PLBD2: variants seen among roughly 807,000 people sequenced by gnomAD.
PLBD2 encodes phospholipase B domain containing 2, also known as putative aminopeptidase PLBD2.
In PLBD2, 51 loss-of-function variants were observed where a neutral mutation model predicts 68.3. That is an observed-to-expected ratio of 0.75 (90% confidence interval 0.60 to 0.94). PLBD2 has a LOEUF of 0.94. PLBD2 is among the 40% of genes least tolerant of loss of function. The pLI is 0.00. For missense variants in PLBD2, 729 were observed against 792.2 expected (o/e 0.92, Z 0.96); for synonymous variants, 314 against 339.3 (o/e 0.93, Z 0.82).
At chr12:113,380,658 C>T in intron 5 of PLBD2, 87 bp from the exon 6 acceptor site, 3 of 1,078,326 alleles carry the variant, frequency 2.8e-6, no homozygotes, top group South Asian at 2.7e-5. Flanking sequence ...TGCCTGTGCC[C>T]CTGTGCCTGT....
chr12:113,358,869 C>A lies in PLBD2; in HGVS notation c.269C>A (p.Thr90Asn). ...HPDAVAWANL[T>N]NAIRETGWAF... ...GACGCCGTGGCCTGGGCCAACCTCA[C>A]CAACGCCATCCGCGAGACTGGGTAA... is the stretch of plus-strand genomic sequence containing the variant. Residue 90 changes from threonine to asparagine, a missense_variant, in exon 1 of 12, where the codon ACC becomes AAC. By Grantham distance (65) the Thr-to-Asn change is moderately conservative (BLOSUM62 0). Coordinates refer to ENST00000280800, the MANE Select transcript of PLBD2 (RefSeq NM_173542.4). 1 of 1,526,334 alleles carries A rather than the reference C, an allele frequency of 6.6e-7. No homozygotes were observed. Among genetic ancestry groups the A allele is most frequent in the Non-Finnish European group, 8.8e-7 (1 of 1,139,310 alleles). The allele number at this position is 1,526,334 out of a possible 1,614,324, so 94.5% of individuals were successfully genotyped here. A position where few individuals can be genotyped will look rare whatever the true frequency, so the allele number is the denominator to read the frequency against.
At chr12:113,362,500 T>C (rs1380360453) in intron 1 of PLBD2, among the ~76,000 whole-genome samples, 1 of 151,718 alleles carries the variant, frequency 6.6e-6, no homozygotes, top group Non-Finnish European at 1.5e-5. Flanking sequence ...CAATGTGGCC[T>C]CTTTCAAGAG....
intron 1 of PLBD2, among the ~76,000 whole-genome samples, chr12:113,367,759 A>AAAAAAAG (rs71086160): frequency 0.059 from 8,718 of 147,914 alleles, 312 homozygotes; most frequent in Middle Eastern, 0.11. Context: ...AAAAAAAAAA[A>AAAAAAAG]AAAAAAGAAA....
intron 11 of PLBD2, 123 bp from the exon 12 acceptor site, chr12:113,388,336 C>CA (rs113090477): frequency 0.14 from 104,202 of 764,476 alleles, 303 homozygotes; most frequent in African/African-American, 0.15. Flanking sequence ...AGCAGAGACT[C>CA]AAAAAAAAAA....
At position 113,372,981 on chromosome 12, in the gene PLBD2, C is replaced by A. The variant is rs897805717; in HGVS notation, c.543+174C>A. ...ACTCATCCATCTGCCCAGTCTCCAT[C>A]TGTCCACTTGCTGGAACTCCAGCCA... On this transcript the variant is annotated intron_variant, in intron 3 of 11. Coordinates refer to ENST00000280800, the MANE Select transcript of PLBD2 (RefSeq NM_173542.4). The surrounding 1 kb of genome is among the most constrained non-coding windows in gnomAD (Gnocchi z 4.2). Among the ~76,000 whole-genome samples the A allele has an allele frequency of 6.6e-6, 1 of 152,256 alleles. No individual in the cohort carries two copies. Among genetic ancestry groups the A allele is most frequent in the African/African-American group, 2.4e-5 (1 of 41,464 alleles).
In PLBD2 at chr12:113,386,902, T is replaced by TG. The variant is rs1445138324; in HGVS notation, c.1287-30dup. On this transcript the variant is annotated intron_variant, in intron 9 of 11. Transcript: ENST00000280800. ...CACAGCCTTGGCTGAGTGAGGCCAG[T>TG]GGGGGTCATGGGTGACCATCCTTGT... The TG allele has an allele frequency of 2.5e-6, 4 of 1,605,430 alleles. No individual in the cohort carries two copies. In the Admixed American group the frequency reaches 6.9e-5, roughly 28 times the overall value.
Position 113,372,870 on chromosome 12 carries a change from G to A in PLBD2, c.543+63G>A. On this transcript the variant is annotated intron_variant, in intron 3 of 11. Coordinates refer to ENST00000280800, the MANE Select transcript of PLBD2 (RefSeq NM_173542.4). The surrounding 1 kb of genome is among the most constrained non-coding windows in gnomAD (Gnocchi z 4.2). ...CAGCTGGCCAGCCATCCTGTCTCCT[G>A]TTGTTCTGGCCAGCCTTGTGGCATG... The A allele has an allele frequency of 3.2e-6, 5 of 1,573,146 alleles. No individual in the cohort carries two copies. Among genetic ancestry groups the A allele is most frequent in the Admixed American group, 1.7e-5 (1 of 58,612 alleles).
chr12:113,385,375 A>G, intron 9 of PLBD2, 92 bp downstream of exon 9: 1 of 1,257,614 alleles, frequency 8.0e-7, no homozygotes, highest in Non-Finnish European at 1.1e-6. Context: ...TTTTAAACCC[A>G]CAGAACAAAG....
At chr12:113,375,548 C>A (rs901092705) in intron 5 of PLBD2, among the ~76,000 whole-genome samples, 3 of 152,220 alleles carry the variant, frequency 2.0e-5, no homozygotes, top group Admixed American at 2.0e-4. Flanking sequence ...GCTTAAATAA[C>A]CGCTATTTAT....
Position 113,387,921 on chromosome 12 carries a change from C to T in PLBD2, c.1602+15C>T, listed in dbSNP as rs747274197. 6.8e-6 allele frequency: 11 copies of T among 1,613,504 alleles called. No individual in the cohort carries two copies. The South Asian group carries it at 1.2e-4, about 18-fold the overall frequency. ...TCGATGTGAAGGTGCTGCCTCCTCC[C>T]TAGGGCCTGAGCTGTGGGTGGGGGA... On this transcript the variant is annotated intron_variant, in intron 11 of 11. Transcript: ENST00000280800.
At chr12:113,367,901 G>GT (rs931910276) in intron 1 of PLBD2, among the ~76,000 whole-genome samples, 12 of 151,896 alleles carry the variant, frequency 7.9e-5, no homozygotes, top group Admixed American at 5.3e-4. Context: ...GGCCAACATG[G>GT]TAAAACCCTG....
At chr12:113,368,046 C>G (rs1035863804) in intron 1 of PLBD2, among the ~76,000 whole-genome samples, 1 of 151,934 alleles carries the variant, frequency 6.6e-6, no homozygotes, top group Non-Finnish European at 1.5e-5. Flanking sequence ...CATGCCAGTA[C>G]CCCCCAGCCT....
In PLBD2 at chr12:113,386,957, A is replaced by G. The variant is rs922155849; in HGVS notation, c.1307A>G (p.Asn436Ser). 1 of 1,613,180 alleles carries G rather than the reference A, an allele frequency of 6.2e-7. No homozygotes were observed. Among genetic ancestry groups the G allele is most frequent in the African/African-American group, 1.3e-5 (1 of 75,014 alleles). The change falls in exon 10 of 12, where the codon AAT becomes AGT. Residue 436 changes from asparagine to serine, a missense_variant. Coordinates refer to ENST00000280800, the MANE Select transcript of PLBD2 (RefSeq NM_173542.4). ...GGCAGGTCCTTCGAGACTGTGTTCA[A>G]TGCCAGTGGGCTGCAGGCCCTAGTG... ...YNIPSFETVF[N>S]ASGLQALVAQ...
intron 1 of PLBD2, among the ~76,000 whole-genome samples, chr12:113,360,766 G>A (rs948330100): frequency 2.0e-5 from 3 of 152,132 alleles, no homozygotes; most frequent in Non-Finnish European, 2.9e-5. Context: ...AGCGATTCTC[G>A]TGTCTCAGCC....
At chr12:113,379,074 C>T (rs879806869) in intron 5 of PLBD2, among the ~76,000 whole-genome samples, 3 of 151,816 alleles carry the variant, frequency 2.0e-5, no homozygotes, top group African/African-American at 4.8e-5. Flanking sequence ...TTTGGGAGGC[C>T]GAGGCTGGTG....
rs1229960397 is a variant in PLBD2 at position 113,385,204 on chromosome 12, G to A, written c.1215-8G>A. ...TCACCTCCACCCCATCTCTCTTCTC[G>A]GTCTCAGCGGCATGGTGGTGGTGGC... On this transcript the variant is annotated splice_region_variant and splice_polypyrimidine_tract_variant and intron_variant, in intron 8 of 11. Transcript: ENST00000280800. The A allele has an allele frequency of 1.6e-5, 26 of 1,613,908 alleles. No individual in the cohort carries two copies. The highest frequency in any genetic ancestry group is 1.5e-4 in the Admixed American group (9 of 59,998).
chr12:113,383,870 G>T (rs749702627), intron 6 of PLBD2, among the ~76,000 whole-genome samples: 3 of 151,592 alleles, frequency 2.0e-5, no homozygotes, highest in African/African-American at 7.3e-5. Flanking sequence ...GTGGGGGCAC[G>T]TGCCTGTAAT....
At chr12:113,370,750 T>A (rs1593282372) in intron 2 of PLBD2, among the ~76,000 whole-genome samples, 2 of 152,280 alleles carry the variant, frequency 1.3e-5, no homozygotes, top group Admixed American at 1.3e-4. Flanking sequence ...AGTGTTGGGA[T>A]TACAGGTACG....
chr12:113,359,248 T>G, intron 1 of PLBD2: 1 of 215,538 alleles, frequency 4.6e-6, no homozygotes, highest in Non-Finnish European at 9.2e-6. Context: ...TCCCTAGACT[T>G]TGCCTCCTCA....
Sources: gnomAD v4.1 joint callset for allele counts (sites outside exome capture counted in the v4.1 genomes callset) on GRCh38, gnomAD v4.1.1 for gene constraint, Gnocchi (gnomAD v3.1) non-coding constraint, MANE v1.5 for transcripts, NCBI Gene and HGNC (gene_info 2026-07-23, HGNC 2026-07-21) for gene names.